The following C12orf75 variants were observed in gnomAD, a reference collection of about 807,000 sequenced individuals.
C12orf75 encodes overexpressed in colon carcinoma 1 protein.
Under a neutral mutation model 11.4 loss-of-function variants are expected in C12orf75, and 4 were observed. The observed-to-expected ratio is 0.35, with a 90% CI of 0.17 to 0.80. The LOEUF is 0.80. Among genes scored for constraint, C12orf75 ranks in the 30% least tolerant of loss-of-function variants. The pLI is 0.52. For missense variants in C12orf75, 89 were observed against 80.4 expected (o/e 1.11, Z -0.41); for synonymous variants, 30 against 30.0 (o/e 1.00, Z 0.00).
chr12:105,348,604 C>G lies in C12orf75; in HGVS notation c.49C>G (p.Pro17Ala). 1.3e-6 allele frequency: 2 copies of G among 1,535,588 alleles called. No homozygotes were observed. The highest frequency in any genetic ancestry group is 2.5e-5 in the East Asian group (1 of 40,538). ...TATSAGAGQG[P>A]AGAAKDVTEE... ...ACCTATCTTCTTTTTTTCTCTAGGC[C>G]CTGCAGGAGCAGCCAAAGATGTGTA... Residue 17 changes from proline (P) to alanine (A), a missense_variant and splice_region_variant, in exon 2 of 6, where the codon CCT becomes GCT. Pro to Ala is a conservative substitution (Grantham distance 27). Transcript: ENST00000443585.
At chr12:105,363,146 T>C (rs1028444208) in intron 2 of C12orf75, among the ~76,000 whole-genome samples, 1 of 152,242 alleles carries the variant, frequency 6.6e-6, no homozygotes, top group African/African-American at 2.4e-5. Flanking sequence ...TTGGTCATGC[T>C]TGTTAGTCTT....
At position 105,370,941 on chromosome 12, in the gene C12orf75, A is replaced by C. The variant is rs374610091; in HGVS notation, c.*341A>C. 2.6e-5 allele frequency: 7 copies of C among 273,484 alleles called. No homozygotes were observed. Among genetic ancestry groups the C allele is most frequent in the African/African-American group, 4.4e-5 (2 of 45,952 alleles). The allele number at this position is 273,484 out of a possible 1,614,324, so 16.9% of individuals were successfully genotyped here. ...CCACCCTGGCCACTCAGCACATTTC[A>C]TGGAGGTCATGTCTTTTCACTGATA... On this transcript the variant is annotated 3_prime_UTR_variant, in exon 6 of 6. Transcript: ENST00000443585.
intron 2 of C12orf75, 90 bp from the exon 3 acceptor site, chr12:105,365,717 C>G: frequency 1.2e-6 from 1 of 827,668 alleles, no homozygotes; most frequent in Non-Finnish European, 2.1e-6. Context: ...AAATTGACTT[C>G]AACTCAGTAG....
At position 105,337,485 on chromosome 12, in the gene C12orf75, C is replaced by A. The variant is rs189574065; in HGVS notation, c.46+6548C>A. 7.6e-3 allele frequency among the ~76,000 whole-genome samples: 1,163 copies of A among 152,040 alleles called. 4 individuals carry two copies. Among genetic ancestry groups the A allele is most frequent in the Non-Finnish European group, 0.012 (849 of 67,958 alleles). On this transcript the variant is annotated intron_variant, in intron 1 of 5. Coordinates refer to ENST00000443585, the MANE Select transcript of C12orf75 (RefSeq NM_001145199.2). Reference sequence around the variant, plus strand: ...GGGGACTCTGGTAGGCAGGGGGTTACTGGGGAATTGGAACAATTGATTGGC... The same window carrying A: ...GGGGACTCTGGTAGGCAGGGGGTTAATGGGGAATTGGAACAATTGATTGGC...
intron 1 of C12orf75, among the ~76,000 whole-genome samples, chr12:105,342,609 C>T (rs957030257): frequency 2.0e-5 from 3 of 152,252 alleles, no homozygotes; most frequent in South Asian, 2.1e-4. Flanking sequence ...CCTCTCTCCT[C>T]TCTCTGCAGG....
At chr12:105,354,247 A>G (rs1201838310) in intron 2 of C12orf75, among the ~76,000 whole-genome samples, 1 of 152,222 alleles carries the variant, frequency 6.6e-6, no homozygotes, top group Non-Finnish European at 1.5e-5. Context: ...GCTGTGTTAC[A>G]TTGTGTCCTT....
At chr12:105,366,317 TATG>T (rs1363178711) in intron 3 of C12orf75, 14 of 295,390 alleles carry the variant, frequency 4.7e-5, no homozygotes, top group African/African-American at 6.5e-5. Context: ...CATGTCACTG[TATG>T]ATATTTAATA....
intron 1 of C12orf75, among the ~76,000 whole-genome samples, chr12:105,343,181 C>T (rs1892594269): frequency 6.6e-6 from 1 of 152,194 alleles, no homozygotes; most frequent in Non-Finnish European, 1.5e-5. Flanking sequence ...AATCTTTTGA[C>T]CCCCTCCCCT....
rs140478164 is a variant in C12orf75 at position 105,343,284 on chromosome 12, G to A, written c.47-5318G>A. ...TTTTTTCATTTCTACTTCTCCTGAG[G>A]CCCTAGGCCCATTGTATTAACCCAC... On this transcript the variant is annotated intron_variant, in intron 1 of 5. Transcript: ENST00000443585. Among the ~76,000 whole-genome samples, 8 of 151,990 alleles carry A rather than the reference G, an allele frequency of 5.3e-5. No homozygotes were observed. In the East Asian group the frequency reaches 1.5e-3, roughly 29 times the overall value.
At chr12:105,365,558 G>C (rs1469268344) in intron 2 of C12orf75, among the ~76,000 whole-genome samples, 2 of 152,158 alleles carry the variant, frequency 1.3e-5, no homozygotes, top group African/African-American at 4.8e-5. Context: ...TGTGCATTTT[G>C]GCATTTGCTG....
rs1344436048 is a variant in C12orf75 at position 105,330,882 on chromosome 12, C to G, written c.-10C>G. On this transcript the variant is annotated 5_prime_UTR_variant, in exon 1 of 6. Transcript: ENST00000443585. Reference sequence around the variant, plus strand: ...AGCTCCGGAGCGCGGCTTCCCCGGCCGGCTGCGCGATGGGCTGCGGGAACT... The same window carrying G: ...AGCTCCGGAGCGCGGCTTCCCCGGCGGGCTGCGCGATGGGCTGCGGGAACT... 5.6e-6 allele frequency: 7 copies of G among 1,254,378 alleles called. No homozygotes were observed. In the East Asian group the frequency reaches 1.6e-4, roughly 28 times the overall value. 77.7% of individuals were successfully genotyped at this position (1,254,378 alleles called of 1,614,324 possible). A position where few individuals can be genotyped will look rare whatever the true frequency, so the allele number is the denominator to read the frequency against.
intron 1 of C12orf75, among the ~76,000 whole-genome samples, chr12:105,333,829 A>G (rs1480483446): frequency 1.3e-5 from 2 of 152,228 alleles, no homozygotes; most frequent in Admixed American, 1.3e-4. Flanking sequence ...TTTCTATAAG[A>G]ACATGGCAAA....
chr12:105,348,529 A>G (rs1892669904), intron 1 of C12orf75, 73 bp from the exon 2 acceptor site: 6 of 991,502 alleles, frequency 6.1e-6, no homozygotes, highest in Middle Eastern at 2.5e-4. Flanking sequence ...ACTGTATTTT[A>G]ATTAGGTATT....
In C12orf75 at chr12:105,330,759, C is replaced by A. The variant is rs532672882; in HGVS notation, c.-133C>A. On this transcript the variant is annotated 5_prime_UTR_variant, in exon 1 of 6. Transcript: ENST00000443585. ...GTCTCCCGGCGGTGGGAGGGGGCGG[C>A]CCCCACTCGGTTCCTGGCCCCTCGC... The A allele has an allele frequency of 3.3e-6, 3 of 905,200 alleles. No homozygotes were observed. The highest frequency in any genetic ancestry group is 5.6e-5 in the South Asian group (1 of 18,002). 56.1% of individuals were successfully genotyped at this position (905,200 alleles called of 1,614,324 possible). A position where few individuals can be genotyped will look rare whatever the true frequency, so the allele number is the denominator to read the frequency against.
At chr12:105,344,776 A>G (rs1388916024) in intron 1 of C12orf75, among the ~76,000 whole-genome samples, 2 of 150,712 alleles carry the variant, frequency 1.3e-5, no homozygotes, top group East Asian at 3.9e-4. Context: ...TTGAGGACTC[A>G]TGGTCCACAT....
At chr12:105,362,384 CAAAAA>C (rs35725967) in intron 2 of C12orf75, among the ~76,000 whole-genome samples, 4 of 18,744 alleles carry the variant, frequency 2.1e-4, no homozygotes, top group Non-Finnish European at 3.3e-4. Context: ...GACTCCGTCT[CAAAAA>C]AAAAAAAAAA....
At chr12:105,348,813 A>T (rs1252827995) in intron 2 of C12orf75, among the ~76,000 whole-genome samples, 187 bp downstream of exon 2, 1 of 152,226 alleles carries the variant, frequency 6.6e-6, no homozygotes, top group African/African-American at 2.4e-5. Flanking sequence ...TGTGCTTTTC[A>T]TTAGCTTTTC....
At chr12:105,339,626 C>CT (rs1010773682) in intron 1 of C12orf75, among the ~76,000 whole-genome samples, 63 of 150,488 alleles carry the variant, frequency 4.2e-4, no homozygotes, top group African/African-American at 1.4e-3. Flanking sequence ...TTCTTTCTTT[C>CT]TTTTTTTTTG....
chr12:105,332,357 C>A (rs1434072084), intron 1 of C12orf75, among the ~76,000 whole-genome samples: 1 of 152,132 alleles, frequency 6.6e-6, no homozygotes, highest in Non-Finnish European at 1.5e-5. Context: ...AGGCTAGTTT[C>A]ATGCATGTAC....
Sources: gnomAD v4.1 joint callset for allele counts (sites outside exome capture counted in the v4.1 genomes callset) on GRCh38, gnomAD v4.1.1 for gene constraint, MANE v1.5 for transcripts, NCBI Gene and HGNC (gene_info 2026-07-23, HGNC 2026-07-21) for gene names.